Variants in PCDH15 observed in about 807,000 individuals in gnomAD.
PCDH15 encodes protocadherin-15.
In PCDH15, 129 loss-of-function variants were observed where a neutral mutation model predicts 178.5. The observed-to-expected ratio is 0.72, with a 90% confidence interval of 0.63 to 0.84. The LOEUF (loss-of-function observed/expected upper bound fraction) is 0.84. Ranked by LOEUF, PCDH15 falls within the 40% of genes least tolerant of loss-of-function variation. PCDH15 has a pLI of 0.00. For synonymous variants in PCDH15, 800 were observed against 732.0 expected (o/e 1.09, Z -1.50); for missense variants, 2,230 against 2,099.9 (o/e 1.06, Z -1.21).
At chr10:54,792,814 T>G (rs916798140) in intron 1 of PCDH15, among the ~76,000 whole-genome samples, 6 of 151,902 alleles carry the variant, frequency 3.9e-5, no homozygotes, top group African/African-American at 1.4e-4. Context: ...CTATTCATTC[T>G]GTATCTCCAG....
chr10:53,874,079 A>T (rs898963590), intron 26 of PCDH15, among the ~76,000 whole-genome samples: 7 of 152,158 alleles, frequency 4.6e-5, no homozygotes, highest in Non-Finnish European at 1.0e-4. Flanking sequence ...TGCAAAAGTA[A>T]AGGTAAGAAT....
At chr10:55,010,345 G>A (rs1207859655) in intron 2 of PCDH15, among the ~76,000 whole-genome samples, 1 of 152,108 alleles carries the variant, frequency 6.6e-6, no homozygotes, top group Non-Finnish European at 1.5e-5. Context: ...AGCAAAGACA[G>A]GCAAAGCCCC....
intron 5 of PCDH15, among the ~76,000 whole-genome samples, chr10:54,358,663 A>G (rs1276813672): frequency 2.6e-5 from 4 of 152,112 alleles, no homozygotes; most frequent in Admixed American, 2.0e-4. Context: ...ATTACTGGGT[A>G]TATACCCAAA....
chr10:54,101,344 T>C (rs565979754), intron 15 of PCDH15, among the ~76,000 whole-genome samples: 1 of 152,192 alleles, frequency 6.6e-6, no homozygotes, highest in Admixed American at 6.5e-5. Context: ...GACTAATACA[T>C]TGGTCAACTA....
chr10:53,888,299 T>TATAC (rs2081255155), intron 26 of PCDH15, among the ~76,000 whole-genome samples: 1 of 75,560 alleles, frequency 1.3e-5, no homozygotes, highest in African/African-American at 5.2e-5. Flanking sequence ...TACATATATA[T>TATAC]ATATATATAT....
At chr10:55,342,306 G>A in intron 2 of PCDH15, among the ~76,000 whole-genome samples, 1 of 151,634 alleles carries the variant, frequency 6.6e-6, no homozygotes, top group East Asian at 1.9e-4. Context: ...TTATATTAAA[G>A]CACATACAAT....
chr10:55,028,958 C>G, intron 2 of PCDH15, among the ~76,000 whole-genome samples: 1 of 133,478 alleles, frequency 7.5e-6, no homozygotes, highest in East Asian at 2.4e-4. Context: ...ATTTACTTAA[C>G]CATTTTAAAA....
intron 1 of PCDH15, among the ~76,000 whole-genome samples, chr10:54,776,808 G>A (rs1248797220): frequency 6.6e-6 from 1 of 152,110 alleles, no homozygotes; most frequent in Non-Finnish European, 1.5e-5. Context: ...GGGAGTATGT[G>A]ACGTCACCAC....
rs553634315 is a variant in PCDH15, at chr10:54,570,267, A to C, written c.92-42390T>G. On this transcript the variant is annotated intron_variant, in intron 2 of 37. Coordinates refer to ENST00000644397, the MANE Select transcript of PCDH15 (RefSeq NM_001384140.1). Reference sequence around the variant, plus strand: ...GCTTTTTAATGGTTATTTTTCTCAGAACACAAAAATAGTTTTAAAAAATAA... The same window carrying C: ...GCTTTTTAATGGTTATTTTTCTCAGCACACAAAAATAGTTTTAAAAAATAA... 3.3e-5 allele frequency among the ~76,000 whole-genome samples: 5 copies of C among 152,236 alleles called. No individual in the cohort carries two copies. In the South Asian group the frequency reaches 1.0e-3, roughly 32 times the overall value.
chr10:54,639,808 C>A (rs1400791476), intron 2 of PCDH15, among the ~76,000 whole-genome samples: 1 of 152,156 alleles, frequency 6.6e-6, no homozygotes, highest in Non-Finnish European at 1.5e-5. Context: ...TATCTGCAGC[C>A]ACCCAACCAC....
At position 53,831,534 on chromosome 10, in the gene PCDH15, C is replaced by G. The variant is rs1057520709; in HGVS notation, c.3984-1G>C. ...ATCAAGTAGTTTGCCATCCAAAAAT[C>G]TTTATTGTTAGATAAATAGTAAAAT... On this transcript the variant is annotated splice_acceptor_variant, in intron 29 of 37. Coordinates refer to ENST00000644397, the MANE Select transcript of PCDH15 (RefSeq NM_001384140.1). LOFTEE classifies it high-confidence loss of function. 1.9e-6 allele frequency: 3 copies of G among 1,605,032 alleles called. No homozygotes were observed. The highest frequency in any genetic ancestry group is 2.6e-6 in the Non-Finnish European group (3 of 1,172,058).
chr10:54,654,024 C>T (rs1043550876), intron 2 of PCDH15, among the ~76,000 whole-genome samples: 7 of 152,156 alleles, frequency 4.6e-5, no homozygotes, highest in African/African-American at 1.7e-4. Flanking sequence ...AATGTTGAAA[C>T]ACACAATGCA....
chr10:55,061,057 T>C (rs1430598448), intron 2 of PCDH15, among the ~76,000 whole-genome samples: 2 of 152,086 alleles, frequency 1.3e-5, no homozygotes, highest in African/African-American at 4.8e-5. Context: ...GCAAATTCTA[T>C]GAAAAAAATT....
At chr10:54,247,935 AATATATAT>A (rs147562225) in intron 8 of PCDH15, among the ~76,000 whole-genome samples, 3 of 139,406 alleles carry the variant, frequency 2.2e-5, no homozygotes, top group African/African-American at 5.2e-5. Flanking sequence ...TGCATGAAAG[AATATATAT>A]ATATATATAT....
intron 2 of PCDH15, among the ~76,000 whole-genome samples, chr10:54,570,076 G>A (rs778874376): frequency 6.6e-6 from 1 of 151,908 alleles, no homozygotes; most frequent in Non-Finnish European, 1.5e-5. Flanking sequence ...GTGTGTGTTT[G>A]TGTGAATGCG....
At chr10:54,159,323 T>C (rs541599732) in intron 13 of PCDH15, among the ~76,000 whole-genome samples, 1 of 152,186 alleles carries the variant, frequency 6.6e-6, no homozygotes, top group African/African-American at 2.4e-5. Context: ...GTTTTTTTCT[T>C]CCTCTAGGGC....
intron 18 of PCDH15, among the ~76,000 whole-genome samples, chr10:54,063,372 T>C (rs1021051399): frequency 2.0e-5 from 3 of 152,226 alleles, no homozygotes; most frequent in Admixed American, 6.5e-5. Context: ...CTCTTACCTG[T>C]GTTCTTCCTT....
At chr10:54,930,758 C>T (rs1257955682) in intron 2 of PCDH15, among the ~76,000 whole-genome samples, 1 of 152,116 alleles carries the variant, frequency 6.6e-6, no homozygotes, top group African/African-American at 2.4e-5. Flanking sequence ...GGTCCTAGCT[C>T]ATGTTCCTCT....
chr10:54,304,010 T>C (rs2060307773), intron 8 of PCDH15, among the ~76,000 whole-genome samples: 1 of 150,648 alleles, frequency 6.6e-6, no homozygotes, highest in Non-Finnish European at 1.5e-5. Context: ...ATACATTGTC[T>C]GCCCATGTTT....
Sources: allele counts gnomAD v4.1 joint callset (sites outside exome capture counted in the v4.1 genomes callset), GRCh38; gene constraint gnomAD v4.1.1; transcripts MANE v1.5; gene names NCBI Gene and HGNC (gene_info 2026-07-23, HGNC 2026-07-21).